DCPS: variants seen among roughly 807,000 people sequenced by gnomAD.
DCPS encodes decapping enzyme, scavenger.
A neutral mutation model predicts 34.7 loss-of-function variants in DCPS; 27 were observed. The observed-to-expected ratio is 0.78, with a 90% confidence interval of 0.57 to 1.07. DCPS has a LOEUF of 1.07. Ranked by LOEUF, DCPS falls within the 50% of genes least tolerant of loss-of-function variation. The pLI, the probability that DCPS is intolerant of heterozygous loss-of-function variation, is 0.00. For synonymous variants in DCPS, 185 were observed against 185.7 expected, an observed-to-expected ratio of 1.00 and a Z score of 0.03; for missense variants, 464 against 436.9, an observed-to-expected ratio of 1.06 and a Z score of -0.55.
chr11:126,343,067 C>CA (rs34804017), intron 4 of DCPS, among the ~76,000 whole-genome samples: 2,421 of 102,176 alleles, frequency 0.024, 67 homozygotes, highest in African/African-American at 0.088. Flanking sequence ...GAGACTCTGT[C>CA]AAAAAAAAAA....
chr11:126,324,091 C>G (rs560328664), intron 2 of DCPS, among the ~76,000 whole-genome samples: 65 of 152,304 alleles, frequency 4.3e-4, no homozygotes, highest in African/African-American at 1.5e-3. Flanking sequence ...CTTGGCCTCC[C>G]AAAGTACTGG....
At position 126,327,296 on chromosome 11, in the gene DCPS, T is replaced by C. The variant is rs1951748837; in HGVS notation, c.377-4109T>C. ...AGTTTTGTTGAATGCCCCTGGATTT[T>C]GGTTTGCTGATATTTCCTCATGACT... On this transcript the variant is annotated intron_variant, in intron 2 of 5. Transcript: ENST00000263579. The surrounding 1 kb of genome is among the most constrained non-coding windows in gnomAD (Gnocchi z 4.1). Among the ~76,000 whole-genome samples the C allele has an allele frequency of 1.3e-5, 2 of 152,224 alleles. No homozygotes were observed. The highest frequency in any genetic ancestry group is 2.4e-5 in the African/African-American group (1 of 41,464).
At chr11:126,326,854 C>T (rs1240228482) in intron 2 of DCPS, among the ~76,000 whole-genome samples, 1 of 151,462 alleles carries the variant, frequency 6.6e-6, no homozygotes, top group Non-Finnish European at 1.5e-5. Context: ...GCCCGGGAGG[C>T]GGAGCTTGCA....
At position 126,328,736 on chromosome 11, in the gene DCPS, C is replaced by G. The variant is rs1951758963; in HGVS notation, c.377-2669C>G. ...CTCTGTGCCCTGCCCATCTCTCCCC[C>G]ACTCTCAGGGAGCTCCACTGCCCAA... On this transcript the variant is annotated intron_variant, in intron 2 of 5. Transcript: ENST00000263579. The surrounding 1 kb of genome is among the most constrained non-coding windows in gnomAD (Gnocchi z 6.6). Among the ~76,000 whole-genome samples the G allele has an allele frequency of 2.0e-5, 3 of 152,228 alleles. No individual in the cohort carries two copies. The highest frequency in any genetic ancestry group is 1.3e-4 in the Admixed American group (2 of 15,290).
In DCPS at chr11:126,347,071, T is replaced by C. The variant is rs1006821847; in HGVS notation, c.*1458T>C. On this transcript the variant is annotated 3_prime_UTR_variant, in exon 6 of 6. Coordinates refer to ENST00000263579, the MANE Select transcript of DCPS (RefSeq NM_014026.6). This position sits in a 1 kb window ranked among gnomAD's most constrained non-coding sequence, Gnocchi z 4.2. Reference sequence around the variant, plus strand: ...TTTGGCCTGGGTGACAGAGCAAGACTCCCTCTCAGAAAAAAAAATTAAAAA... The same window carrying C: ...TTTGGCCTGGGTGACAGAGCAAGACCCCCTCTCAGAAAAAAAAATTAAAAA... 6.7e-6 allele frequency among the ~76,000 whole-genome samples: 1 copy of C among 148,952 alleles called. No individual in the cohort carries two copies. Among genetic ancestry groups the C allele is most frequent in the South Asian group, 2.1e-4 (1 of 4,676 alleles).
chr11:126,326,750 T>C (rs920147704), intron 2 of DCPS, among the ~76,000 whole-genome samples: 3 of 152,060 alleles, frequency 2.0e-5, no homozygotes, highest in African/African-American at 2.4e-5. Flanking sequence ...GGTGAAACCC[T>C]GTCTCTACTA....
chr11:126,330,987 C>T (rs1209056710), intron 2 of DCPS, among the ~76,000 whole-genome samples: 3 of 151,860 alleles, frequency 2.0e-5, no homozygotes, highest in East Asian at 3.9e-4. Flanking sequence ...CCGCCTGCCT[C>T]GGCCTCCCAA....
rs1591381856 is a variant in DCPS, at chr11:126,312,405, C to T, written c.376+5661C>T. Reference sequence around the variant, plus strand: ...CCAGGCTGGAGTGCAGTGGTGCGATCTCGGCTCACTGCAACCTCCACCTCC... The same window carrying T: ...CCAGGCTGGAGTGCAGTGGTGCGATTTCGGCTCACTGCAACCTCCACCTCC... On this transcript the variant is annotated intron_variant, in intron 2 of 5. Coordinates refer to ENST00000263579, the MANE Select transcript of DCPS (RefSeq NM_014026.6). The surrounding 1 kb of genome is among the most constrained non-coding windows in gnomAD (Gnocchi z 5.1). Among the ~76,000 whole-genome samples, 1 of 151,220 alleles carries T rather than the reference C, an allele frequency of 6.6e-6. No individual in the cohort carries two copies. Among genetic ancestry groups the T allele is most frequent in the African/African-American group, 2.4e-5 (1 of 41,082 alleles).
Position 126,343,319 on chromosome 11 carries a change from T to TACTTG in DCPS, c.651_655dup (p.Ile219ThrfsTer2). On this transcript the variant is annotated frameshift_variant, in exon 5 of 6. Transcript: ENST00000263579. LOFTEE classifies it high-confidence loss of function. ...GCTCTCTACGCAGCTCGATGACTTG[T>TACTTG]ACTTGATCGCCATCTGCCATCGCCG... The TACTTG allele has an allele frequency of 6.2e-7, 1 of 1,613,650 alleles. No homozygotes were observed. Among genetic ancestry groups the TACTTG allele is most frequent in the Non-Finnish European group, 8.5e-7 (1 of 1,179,846 alleles).
At position 126,343,351 on chromosome 11, in the gene DCPS, C is replaced by G; in HGVS notation, c.681C>G (p.Ile227Met). The G allele has an allele frequency of 6.2e-7, 1 of 1,614,036 alleles. No individual in the cohort carries two copies. Among genetic ancestry groups the G allele is most frequent in the Non-Finnish European group, 8.5e-7 (1 of 1,179,986 alleles). ...YLIAICHRRG[I>M]RSLRDLTPEH... is the part of the protein sequence containing the mutation. ...TCGCCATCTGCCATCGCCGGGGCATCAGATCCCTACGCGACCTTACTCCGG... is the reference window on the plus strand; with the variant it reads ...TCGCCATCTGCCATCGCCGGGGCATGAGATCCCTACGCGACCTTACTCCGG... Residue 227 changes from isoleucine (I) to methionine (M), a missense_variant, in exon 5 of 6, where the codon ATC (isoleucine) becomes ATG (methionine). Ile to Met is a conservative substitution (Grantham distance 10, BLOSUM62 1). Coordinates refer to ENST00000263579, the MANE Select transcript of DCPS (RefSeq NM_014026.6).
In DCPS at chr11:126,346,789, A is replaced by T. The variant is rs1951934141; in HGVS notation, c.*1176A>T. Among the ~76,000 whole-genome samples, 1 of 152,216 alleles carries T rather than the reference A, an allele frequency of 6.6e-6. No individual in the cohort carries two copies. Among genetic ancestry groups the T allele is most frequent in the African/African-American group, 2.4e-5 (1 of 41,456 alleles). On this transcript the variant is annotated 3_prime_UTR_variant, in exon 6 of 6. Transcript: ENST00000263579. This position sits in a 1 kb window ranked among gnomAD's most constrained non-coding sequence, Gnocchi z 4.1. ...AACCAGGAAGCCTCATTCAGAGATT[A>T]GCCCCTTTACTGCAGGTGGTAGCCC...
chr11:126,345,461 C>T lies in DCPS; in HGVS notation c.862C>T (p.Pro288Ser), dbSNP rs1251766305. Residue 288 changes from proline to serine, a missense_variant, in exon 6 of 6, where the codon CCC (proline) becomes TCC (serine). Physicochemically the swap from Pro to Ser is moderately conservative, Grantham distance 74. Transcript: ENST00000263579. This position sits in a 1 kb window ranked among gnomAD's most constrained non-coding sequence, Gnocchi z 7.4. ...CTTCACCGCCCTGGGCTTCGAGGCCCCCGGCTCAGGCGTGGAGCGGGCCCA... is the reference window on the plus strand; with the variant it reads ...CTTCACCGCCCTGGGCTTCGAGGCCTCCGGCTCAGGCGTGGAGCGGGCCCA... Reference protein sequence around the residue: ...VHFTALGFEAPGSGVERAHLL... With the variant: ...VHFTALGFEASGSGVERAHLL... 6.2e-6 allele frequency: 10 copies of T among 1,614,068 alleles called. No individual in the cohort carries two copies. Among genetic ancestry groups the T allele is most frequent in the African/African-American group, 1.3e-5 (1 of 74,940 alleles).
At chr11:126,306,527 G>A (rs768240758) in intron 1 of DCPS, 43 bp from the exon 2 acceptor site, 18 of 1,539,900 alleles carry the variant, frequency 1.2e-5, no homozygotes, top group Admixed American at 1.9e-5. Flanking sequence ...GAGTCTCATC[G>A]TGGTTCTGCC....
rs926463714 is a variant in DCPS at position 126,315,099 on chromosome 11, G to C, written c.376+8355G>C. ...AATCAACCTAAATGCCCACTTGAGG[G>C]TGGAGGGTTGGAGGAGTAAGAGGAT... On this transcript the variant is annotated intron_variant, in intron 2 of 5. Coordinates refer to ENST00000263579, the MANE Select transcript of DCPS (RefSeq NM_014026.6). The surrounding 1 kb of genome is among the most constrained non-coding windows in gnomAD (Gnocchi z 6.1). Among the ~76,000 whole-genome samples, 3 of 152,102 alleles carry C rather than the reference G, an allele frequency of 2.0e-5. No homozygotes were observed. Among genetic ancestry groups the C allele is most frequent in the African/African-American group, 7.3e-5 (3 of 41,358 alleles).
intron 2 of DCPS, among the ~76,000 whole-genome samples, chr11:126,326,532 T>C (rs1951740112): frequency 6.6e-6 from 1 of 152,164 alleles, no homozygotes; most frequent in Admixed American, 6.5e-5. Context: ...AGGGCTGAGG[T>C]TCCGAAAGGT....
chr11:126,311,145 C>A (rs997122019), intron 2 of DCPS, among the ~76,000 whole-genome samples: 1 of 152,228 alleles, frequency 6.6e-6, no homozygotes, highest in African/African-American at 2.4e-5. Flanking sequence ...TCCATCCCAA[C>A]GACATAATGG....
rs1591384803 is a variant in DCPS at position 126,320,852 on chromosome 11, A to G, written c.377-10553A>G. Among the ~76,000 whole-genome samples the G allele has an allele frequency of 6.6e-6, 1 of 152,304 alleles. No individual in the cohort carries two copies. Among genetic ancestry groups the G allele is most frequent in the East Asian group, 1.9e-4 (1 of 5,186 alleles). ...TAGGGAGGAGCAGTAACTGGATCTG[A>G]GAGATGACACCTTGGCCAGCAGTCC... is the stretch of plus-strand genomic sequence containing the variant. On this transcript the variant is annotated intron_variant, in intron 2 of 5. Coordinates refer to ENST00000263579, the MANE Select transcript of DCPS (RefSeq NM_014026.6). The surrounding 1 kb of genome is among the most constrained non-coding windows in gnomAD (Gnocchi z 4.7).
rs1433536771 is a variant in DCPS, at chr11:126,331,600, C to T, written c.522+50C>T. ...CAGAGCACTGCTCCCGTGGCTGGTG[C>T]CTCCTCTTACGAGTGTCTATTGGGG... On this transcript the variant is annotated intron_variant, in intron 3 of 5. Coordinates refer to ENST00000263579, the MANE Select transcript of DCPS (RefSeq NM_014026.6). This position sits in a 1 kb window ranked among gnomAD's most constrained non-coding sequence, Gnocchi z 7.2. 1.9e-6 allele frequency: 3 copies of T among 1,599,888 alleles called. No individual in the cohort carries two copies. The highest frequency in any genetic ancestry group is 2.7e-5 in the African/African-American group (2 of 74,794).
chr11:126,341,333 C>T (rs240540), intron 4 of DCPS: 32,435 of 152,272 alleles, frequency 0.21, 4,657 homozygotes, highest in East Asian at 0.67. Flanking sequence ...TCTGGGGCGC[C>T]AGCCTGAGGC....
Sources: allele counts gnomAD v4.1 joint callset (sites outside exome capture counted in the v4.1 genomes callset), GRCh38; gene constraint gnomAD v4.1.1; non-coding constraint Gnocchi (gnomAD v3.1); transcripts MANE v1.5; gene names NCBI Gene and HGNC (gene_info 2026-07-23, HGNC 2026-07-21).